Variants in ADAMTS6 observed in about 807,000 individuals in gnomAD.
ADAMTS6 encodes the protein A disintegrin and metalloproteinase with thrombospondin motifs 6.
Under a neutral mutation model 144.3 loss-of-function variants are expected in ADAMTS6, and 23 were observed. The ratio of observed to expected loss-of-function variants is 0.16; its 90% CI spans 0.11 to 0.23. The LOEUF (loss-of-function observed/expected upper bound fraction) is 0.23. ADAMTS6 is among the 10% of genes least tolerant of loss of function. The pLI, the probability that ADAMTS6 is intolerant of heterozygous loss-of-function variation, is 1.00. For missense variants in ADAMTS6, 999 were observed against 1,379.6 expected (o/e 0.72, Z 4.37); for synonymous variants, 444 against 457.5 (o/e 0.97, Z 0.38).
chr5:65,369,583 A>T (rs1750647805), intron 7 of ADAMTS6, among the ~76,000 whole-genome samples: 1 of 152,184 alleles, frequency 6.6e-6, no homozygotes, highest in East Asian at 1.9e-4. Context: ...TGTGAACTAT[A>T]ATTACAGCCA....
intron 7 of ADAMTS6, among the ~76,000 whole-genome samples, chr5:65,394,996 A>T (rs1204595448): frequency 6.6e-6 from 1 of 152,144 alleles, no homozygotes; most frequent in African/African-American, 2.4e-5. Flanking sequence ...GAAAAGTTAC[A>T]AAAATTGCTC....
intron 7 of ADAMTS6, among the ~76,000 whole-genome samples, chr5:65,365,069 A>G (rs1462182392): frequency 6.6e-6 from 1 of 152,142 alleles, no homozygotes; most frequent in Non-Finnish European, 1.5e-5. Context: ...TGAAACCAAA[A>G]CAACTGATCA....
At chr5:65,415,547 G>T (rs564414687) in intron 7 of ADAMTS6, 3 of 353,182 alleles carry the variant, frequency 8.5e-6, no homozygotes, top group East Asian at 8.5e-5. Flanking sequence ...ATCTGGGCCA[G>T]CTAGTCAAGG....
rs776480864 is a variant in ADAMTS6 at position 65,461,640 on chromosome 5, T to C, written c.463-1302A>G. ...AAATGAAAGAGTTGGTCTAAATTAG[T>C]GGTTTTAAAACAGCACTCTGGGGAG... On this transcript the variant is annotated intron_variant, in intron 3 of 24. Coordinates refer to ENST00000381055, the MANE Select transcript of ADAMTS6 (RefSeq NM_197941.4). Among the ~76,000 whole-genome samples, 192 of 152,278 alleles carry C rather than the reference T, an allele frequency of 1.3e-3. 1 individual carries two copies. The highest frequency in any genetic ancestry group is 2.1e-3 in the Non-Finnish European group (146 of 68,012).
intron 7 of ADAMTS6, among the ~76,000 whole-genome samples, chr5:65,413,865 T>C (rs1755268776): frequency 6.6e-6 from 1 of 152,116 alleles, no homozygotes; most frequent in African/African-American, 2.4e-5. Flanking sequence ...CAGAAATCTA[T>C]TAACATAATT....
chr5:65,403,831 T>C (rs1006899665), intron 7 of ADAMTS6, among the ~76,000 whole-genome samples: 2 of 152,132 alleles, frequency 1.3e-5, no homozygotes, highest in Non-Finnish European at 2.9e-5. Context: ...TTATTCCATA[T>C]TTCTTTATCT....
chr5:65,170,580 T>C (rs765143326), intron 24 of ADAMTS6, 37 bp downstream of exon 24: 1 of 1,608,362 alleles, frequency 6.2e-7, no homozygotes, highest in Non-Finnish European at 8.5e-7. Flanking sequence ...AGGTGGGTCA[T>C]TAGAAACCAC....
At chr5:65,367,759 T>A (rs1417103705) in intron 7 of ADAMTS6, among the ~76,000 whole-genome samples, 1 of 151,994 alleles carries the variant, frequency 6.6e-6, no homozygotes, top group Non-Finnish European at 1.5e-5. Context: ...ATCCCAAGAG[T>A]TCCCACTTAC....
intron 11 of ADAMTS6, among the ~76,000 whole-genome samples, chr5:65,274,003 C>T (rs891853122): frequency 2.6e-5 from 4 of 151,994 alleles, no homozygotes; most frequent in African/African-American, 4.8e-5. Flanking sequence ...AATCTAACAA[C>T]GTTATTTTCA....
chr5:65,426,977 A>G (rs939627642), intron 7 of ADAMTS6, among the ~76,000 whole-genome samples: 2 of 152,184 alleles, frequency 1.3e-5, no homozygotes, highest in Non-Finnish European at 2.9e-5. Flanking sequence ...ACAGAAACAG[A>G]ACAAACTTTA....
At chr5:65,342,234 T>C (rs1747909094) in intron 7 of ADAMTS6, among the ~76,000 whole-genome samples, 1 of 151,938 alleles carries the variant, frequency 6.6e-6, no homozygotes, top group Non-Finnish European at 1.5e-5. Context: ...GACTGGGCAA[T>C]TTACAAAAAA....
intron 7 of ADAMTS6, among the ~76,000 whole-genome samples, chr5:65,342,515 G>A (rs899470804): frequency 6.6e-6 from 1 of 152,054 alleles, no homozygotes; most frequent in Non-Finnish European, 1.5e-5. Flanking sequence ...GATGAGATTT[G>A]GGTGGGGACA....
intron 7 of ADAMTS6, among the ~76,000 whole-genome samples, chr5:65,338,315 T>C (rs745496642): frequency 2.0e-5 from 3 of 152,228 alleles, no homozygotes; most frequent in Non-Finnish European, 2.9e-5. Context: ...GATGAATGCA[T>C]ATGTTGCCAT....
chr5:65,196,607 T>C (rs1055338442), intron 21 of ADAMTS6, among the ~76,000 whole-genome samples: 1 of 134,922 alleles, frequency 7.4e-6, no homozygotes, highest in Non-Finnish European at 1.6e-5. Context: ...TGTAAATAAA[T>C]CACTATATTT....
chr5:65,466,961 G>A (rs568279028), intron 3 of ADAMTS6, among the ~76,000 whole-genome samples: 173 of 151,528 alleles, frequency 1.1e-3, no homozygotes, highest in South Asian at 8.7e-3. Flanking sequence ...AGAATGGCGT[G>A]GACCCGGGAG....
chr5:65,388,672 TGAC>T (rs1443313738), intron 7 of ADAMTS6, among the ~76,000 whole-genome samples: 1 of 152,202 alleles, frequency 6.6e-6, no homozygotes, highest in African/African-American at 2.4e-5. Context: ...TAAATCTTGA[TGAC>T]GATCTTTTAA....
At position 65,436,290 on chromosome 5, in the gene ADAMTS6, G is replaced by A. The variant is rs146880634; in HGVS notation, c.1073+15185C>T. ...GGCGCGACTGCACTCCTGCCTGGGT[G>A]ACAGAGTAAGACCTTGTCTCAAAAC... On this transcript the variant is annotated intron_variant, in intron 7 of 24. Coordinates refer to ENST00000381055, the MANE Select transcript of ADAMTS6 (RefSeq NM_197941.4). 1.2e-3 allele frequency among the ~76,000 whole-genome samples: 176 copies of A among 152,134 alleles called. 1 individual carries two copies. Among genetic ancestry groups the A allele is most frequent in the African/African-American group, 4.0e-3 (166 of 41,488 alleles).
chr5:65,378,788 A>AC (rs1561482389), intron 7 of ADAMTS6, among the ~76,000 whole-genome samples: 19 of 152,336 alleles, frequency 1.2e-4, no homozygotes, highest in Non-Finnish European at 2.5e-4. Flanking sequence ...TATTTCATAT[A>AC]AATTAAGCTT....
intron 9 of ADAMTS6, among the ~76,000 whole-genome samples, chr5:65,304,424 T>C (rs1271885506): frequency 6.6e-6 from 1 of 152,186 alleles, no homozygotes; most frequent in Non-Finnish European, 1.5e-5. Flanking sequence ...TACACATTAA[T>C]ATGAGTGGAT....
Sources: allele counts gnomAD v4.1 joint callset (sites outside exome capture counted in the v4.1 genomes callset), GRCh38; gene constraint gnomAD v4.1.1; transcripts MANE v1.5; gene names NCBI Gene and HGNC (gene_info 2026-07-23, HGNC 2026-07-21).